ACBD6: variants seen among roughly 807,000 people sequenced by gnomAD.
ACBD6 encodes acyl-CoA binding domain containing 6, also known as acyl-CoA-binding domain-containing protein 6.
A neutral mutation model predicts 37.2 loss-of-function variants in ACBD6; 28 were observed. The observed-to-expected ratio is 0.75, with a 90% CI of 0.56 to 1.03. ACBD6 has a LOEUF of 1.03. ACBD6 is among the 50% of genes least tolerant of loss of function. The pLI, the probability that ACBD6 is intolerant of heterozygous loss-of-function variation, is 0.00. For missense variants in ACBD6, 340 were observed against 337.4 expected (o/e 1.01, Z -0.06); for synonymous variants, 113 against 126.8 (o/e 0.89, Z 0.73).
At chr1:180,332,738 T>C (rs1301679253) in intron 6 of ACBD6, among the ~76,000 whole-genome samples, 2 of 152,240 alleles carry the variant, frequency 1.3e-5, no homozygotes, top group East Asian at 3.9e-4. Context: ...AAGTGCACAA[T>C]AAATGTAATG....
At chr1:180,481,835 T>C (rs1018626031) in intron 3 of ACBD6, among the ~76,000 whole-genome samples, 3 of 152,298 alleles carry the variant, frequency 2.0e-5, no homozygotes, top group Non-Finnish European at 4.4e-5. Context: ...TCCTCTATGG[T>C]ATGGCCCTGT....
chr1:180,451,423 C>T (rs950654376), intron 3 of ACBD6, among the ~76,000 whole-genome samples: 13 of 152,116 alleles, frequency 8.5e-5, no homozygotes, highest in African/African-American at 2.2e-4. Context: ...AAAACTTGCA[C>T]ACAAATGTTC....
intron 6 of ACBD6, among the ~76,000 whole-genome samples, chr1:180,388,037 G>T (rs997676846): frequency 6.6e-6 from 1 of 151,954 alleles, no homozygotes; most frequent in African/African-American, 2.4e-5. Context: ...TTAGCCGGGC[G>T]TGATGGTGGG....
intron 3 of ACBD6, among the ~76,000 whole-genome samples, chr1:180,481,709 G>A (rs567889573): frequency 6.7e-6 from 1 of 149,422 alleles, no homozygotes; most frequent in East Asian, 1.9e-4. Flanking sequence ...CCTGGAACTT[G>A]AAGAAACAAA....
At chr1:180,347,495 T>G (rs1445625135) in intron 6 of ACBD6, among the ~76,000 whole-genome samples, 5 of 151,162 alleles carry the variant, frequency 3.3e-5, no homozygotes, top group Admixed American at 3.3e-4. Context: ...GCCTCCCGAG[T>G]AGCAAGGATT....
Position 180,429,356 on chromosome 1 carries a change from A to G in ACBD6, c.467+824T>C, listed in dbSNP as rs1384004285. ...ATACCTTATGTAAGTATAATCGCAA[A>G]GTGTTTGTGTTCTTGTGACTGGCTT... On this transcript the variant is annotated intron_variant, in intron 4 of 7. Coordinates refer to ENST00000367595, the MANE Select transcript of ACBD6 (RefSeq NM_032360.4). 2.0e-5 allele frequency among the ~76,000 whole-genome samples: 3 copies of G among 152,154 alleles called. No homozygotes were observed. In the East Asian group the frequency reaches 5.8e-4, roughly 29 times the overall value.
At chr1:180,344,963 T>A (rs577997415) in intron 6 of ACBD6, among the ~76,000 whole-genome samples, 2 of 152,320 alleles carry the variant, frequency 1.3e-5, no homozygotes, top group South Asian at 4.1e-4. Flanking sequence ...AACTGACATA[T>A]CATCAGAGAG....
At chr1:180,488,324 T>C (rs1242106630) in intron 3 of ACBD6, among the ~76,000 whole-genome samples, 1 of 152,172 alleles carries the variant, frequency 6.6e-6, no homozygotes, top group African/African-American at 2.4e-5. Flanking sequence ...ATTCTTGAGA[T>C]AAGATGAAAC....
intron 3 of ACBD6, among the ~76,000 whole-genome samples, chr1:180,449,977 T>C (rs1311561392): frequency 1.3e-5 from 2 of 149,420 alleles, no homozygotes; most frequent in Non-Finnish European, 3.0e-5. Context: ...TGAAAGACAG[T>C]TGACACACTA....
rs1165373135 is a variant in ACBD6, at chr1:180,467,648, T to TA, written c.384+24620dup. Among the ~76,000 whole-genome samples, 64 of 151,482 alleles carry TA rather than the reference T, an allele frequency of 4.2e-4. 1 individual carries two copies. The highest frequency in any genetic ancestry group is 2.9e-5 in the Non-Finnish European group (2 of 67,808). On this transcript the variant is annotated intron_variant, in intron 3 of 7. Transcript: ENST00000367595. Reference sequence around the variant, plus strand: ...CTGGGTGACAGCAAGACCCTGTCTCTAAAAAAAATAAAATAAAGGGCTTAA... The same window carrying TA: ...CTGGGTGACAGCAAGACCCTGTCTCTAAAAAAAAATAAAATAAAGGGCTTAA...
At chr1:180,482,293 T>TA (rs1651082682) in intron 3 of ACBD6, among the ~76,000 whole-genome samples, 1 of 152,154 alleles carries the variant, frequency 6.6e-6, no homozygotes, top group Admixed American at 6.5e-5. Context: ...TGCAAAAGGC[T>TA]AGATGGATAC....
At chr1:180,457,118 A>G (rs1649956101) in intron 3 of ACBD6, among the ~76,000 whole-genome samples, 1 of 152,158 alleles carries the variant, frequency 6.6e-6, no homozygotes, top group Non-Finnish European at 1.5e-5. Flanking sequence ...CCAGTATGGC[A>G]TATCAAAAAC....
At chr1:180,444,286 C>CAAAAAAAAAAAAAAAA (rs71719682) in intron 3 of ACBD6, among the ~76,000 whole-genome samples, 12 of 114,776 alleles carry the variant, frequency 1.0e-4, no homozygotes, top group African/African-American at 3.4e-4. Context: ...TCCGTCTCTC[C>CAAAAAAAAAAAAAAAA]AAAAAAAAAA....
At chr1:180,434,989 A>G in intron 3 of ACBD6, 1 of 944,664 alleles carries the variant, frequency 1.1e-6, no homozygotes, top group Non-Finnish European at 1.8e-6. Flanking sequence ...TGGACTGAGT[A>G]CGGCCTGACG....
intron 4 of ACBD6, among the ~76,000 whole-genome samples, chr1:180,424,129 T>C (rs1648487658): frequency 6.6e-6 from 1 of 152,136 alleles, no homozygotes; most frequent in Non-Finnish European, 1.5e-5. Context: ...CTCAAACATT[T>C]CCAGAGCCAG....
intron 6 of ACBD6, among the ~76,000 whole-genome samples, chr1:180,389,683 T>C (rs1459920659): frequency 6.6e-6 from 1 of 152,262 alleles, no homozygotes; most frequent in East Asian, 1.9e-4. Flanking sequence ...GATTTTTTAA[T>C]GATCGCCATT....
chr1:180,406,680 A>G (rs1647642689), intron 5 of ACBD6, among the ~76,000 whole-genome samples: 1 of 152,158 alleles, frequency 6.6e-6, no homozygotes, highest in African/African-American at 2.4e-5. Context: ...ATTATAATTA[A>G]ATTTCTTTAT....
At chr1:180,494,395 G>C (rs1651646086) in intron 2 of ACBD6, among the ~76,000 whole-genome samples, 1 of 152,164 alleles carries the variant, frequency 6.6e-6, no homozygotes, top group Admixed American at 6.5e-5. Context: ...CTTTAGAACA[G>C]TAATAATATG....
chr1:180,389,762 G>A (rs1653997355), intron 6 of ACBD6, among the ~76,000 whole-genome samples: 1 of 152,182 alleles, frequency 6.6e-6, no homozygotes, highest in South Asian at 2.1e-4. Context: ...GTGATGGTGA[G>A]CATTTTTTCA....
Sources: gnomAD v4.1 joint callset for allele counts (sites outside exome capture counted in the v4.1 genomes callset) on GRCh38, gnomAD v4.1.1 for gene constraint, MANE v1.5 for transcripts, NCBI Gene and HGNC (gene_info 2026-07-23, HGNC 2026-07-21) for gene names.